The following PTGER3 variants were observed in gnomAD, a reference collection of about 807,000 sequenced individuals.
PTGER3 encodes the protein prostaglandin E receptor 3.
In PTGER3, 22 loss-of-function variants were observed where a neutral mutation model predicts 34.7. The observed-to-expected ratio is 0.63, with a 90% CI of 0.45 to 0.91. The LOEUF (loss-of-function observed/expected upper bound fraction) is 0.91. Ranked by LOEUF, PTGER3 falls within the 40% of genes least tolerant of loss-of-function variation. The probability of loss-of-function intolerance (pLI) is 0.00; values close to 1 mark genes in which losing one functional copy is unlikely to be tolerated. For synonymous variants in PTGER3, 241 were observed against 230.1 expected, an observed-to-expected ratio of 1.05 and a Z score of -0.43; for missense variants, 468 against 519.4, an observed-to-expected ratio of 0.90 and a Z score of 0.96.
At chr1:70,883,521 A>T (rs891334546) in intron 4 of PTGER3, among the ~76,000 whole-genome samples, 1 of 152,214 alleles carries the variant, frequency 6.6e-6, no homozygotes, top group Non-Finnish European at 1.5e-5. Context: ...ATTTATAGGT[A>T]TGATGAACCT....
intron 2 of PTGER3, chr1:71,009,564 C>T: frequency 1.0e-6 from 1 of 984,988 alleles, no homozygotes; most frequent in Non-Finnish European, 1.2e-6. Flanking sequence ...TTCTCTGTGA[C>T]TCAGCATAGT....
At chr1:70,866,088 C>T (rs879892793) in intron 4 of PTGER3, among the ~76,000 whole-genome samples, 2 of 152,124 alleles carry the variant, frequency 1.3e-5, no homozygotes, top group Admixed American at 1.3e-4. Flanking sequence ...AAGAAAGTAC[C>T]CCTTCATATC....
chr1:70,892,960 A>C (rs1646650820), intron 4 of PTGER3, among the ~76,000 whole-genome samples: 1 of 152,112 alleles, frequency 6.6e-6, no homozygotes, highest in Non-Finnish European at 1.5e-5. Context: ...ATATTAAATA[A>C]TATCTGATCT....
At chr1:70,965,951 C>T (rs1204350215), downstream of PTGER3, among the ~76,000 whole-genome samples, 3 of 152,148 alleles carry the variant, frequency 2.0e-5, no homozygotes, top group Non-Finnish European at 4.4e-5. Context: ...AATTCCAATG[C>T]ATCTAAAGAG....
chr1:70,855,200 G>A (rs1385666529), intron 4 of PTGER3, among the ~76,000 whole-genome samples: 1 of 152,132 alleles, frequency 6.6e-6, no homozygotes, highest in African/African-American at 2.4e-5. Context: ...AAGACATTAT[G>A]GTAAGTAAAA....
At chr1:70,892,483 T>G (rs1362031997) in intron 4 of PTGER3, among the ~76,000 whole-genome samples, 2 of 152,184 alleles carry the variant, frequency 1.3e-5, no homozygotes, top group African/African-American at 4.8e-5. Context: ...CTTATAGTGT[T>G]CATAGATAGA....
chr1:71,020,068 C>A (rs1658263628), intron 1 of PTGER3, among the ~76,000 whole-genome samples: 1 of 152,110 alleles, frequency 6.6e-6, no homozygotes, highest in African/African-American at 2.4e-5. Context: ...GCCCTTTAAA[C>A]TAGTTAATTA....
At chr1:70,901,913 C>T (rs1646848305) in intron 4 of PTGER3, among the ~76,000 whole-genome samples, 1 of 152,068 alleles carries the variant, frequency 6.6e-6, no homozygotes, top group African/African-American at 2.4e-5. Flanking sequence ...AAAATATCAG[C>T]CTAAATCAAA....
chr1:70,992,072 C>T (rs1200894193), intron 2 of PTGER3, among the ~76,000 whole-genome samples: 1 of 152,172 alleles, frequency 6.6e-6, no homozygotes, highest in African/African-American at 2.4e-5. Flanking sequence ...AGTACTAATA[C>T]CTTTACAAAT....
intron 4 of PTGER3, among the ~76,000 whole-genome samples, chr1:70,887,427 C>T (rs1188813760): frequency 6.6e-6 from 1 of 152,176 alleles, no homozygotes; most frequent in African/African-American, 2.4e-5. Context: ...CTTCTTTCAA[C>T]CCAAATGTGT....
intron 4 of PTGER3, among the ~76,000 whole-genome samples, chr1:70,900,429 T>C (rs1445801940): frequency 6.6e-6 from 1 of 152,206 alleles, no homozygotes; most frequent in Non-Finnish European, 1.5e-5. Flanking sequence ...GATTGAGTGC[T>C]TCTGGCTCTG....
intron 4 of PTGER3, among the ~76,000 whole-genome samples, chr1:70,881,513 C>A (rs1646390247): frequency 6.6e-6 from 1 of 152,046 alleles, no homozygotes; most frequent in African/African-American, 2.4e-5. Flanking sequence ...TTGTTGTTGC[C>A]AGAGTTCCTG....
At chr1:70,966,140 C>G (rs1652491152), downstream of PTGER3, among the ~76,000 whole-genome samples, 1 of 152,170 alleles carries the variant, frequency 6.6e-6, no homozygotes. Flanking sequence ...TTTATATTTT[C>G]TCCTGTTCTC....
intron 4 of PTGER3, among the ~76,000 whole-genome samples, chr1:70,898,473 C>T (rs1646769674): frequency 6.6e-6 from 1 of 152,182 alleles, no homozygotes; most frequent in African/African-American, 2.4e-5. Flanking sequence ...CTCTCGAATG[C>T]CTTCCTTGAC....
rs554772466 is a variant in PTGER3 at position 70,971,654 on chromosome 1, T to C, written c.*76A>G. 892 of 1,484,954 alleles carry C rather than the reference T, an allele frequency of 6.0e-4. 1 individual carries two copies. The highest frequency in any genetic ancestry group is 1.3e-3 in the Admixed American group (54 of 41,154). 92.0% of individuals were successfully genotyped at this position (1,484,954 alleles called of 1,614,324 possible). A position where few individuals can be genotyped will look rare whatever the true frequency, so the allele number is the denominator to read the frequency against. The stretch of plus-strand genomic sequence containing the variant: ...TAATCCAAATTAAAATATATAATTA[T>C]CCTTCTCAGGTGGGAAGAAATATGC... On this transcript the variant is annotated 3_prime_UTR_variant, in exon 4 of 4. Coordinates refer to ENST00000306666, the MANE Select transcript of PTGER3 (RefSeq NM_198719.2).
intron 2 of PTGER3, among the ~76,000 whole-genome samples, chr1:70,978,379 A>G (rs1300487321): frequency 6.6e-6 from 1 of 152,190 alleles, no homozygotes; most frequent in Non-Finnish European, 1.5e-5. Context: ...TATTCTAATA[A>G]GGGTAGAACT....
Position 70,971,116 on chromosome 1 carries a change from A to T in PTGER3, c.*614T>A, listed in dbSNP as rs1197696071. 8 of 985,254 alleles carry T rather than the reference A, an allele frequency of 8.1e-6. No homozygotes were observed. The highest frequency in any genetic ancestry group is 9.6e-6 in the Non-Finnish European group (8 of 829,904). The allele number at this position is 985,254 out of a possible 1,614,324, so 61.0% of individuals were successfully genotyped here. A position where few individuals can be genotyped will look rare whatever the true frequency, so the allele number is the denominator to read the frequency against. On this transcript the variant is annotated 3_prime_UTR_variant, in exon 4 of 4. Transcript: ENST00000306666. Reference sequence around the variant, plus strand: ...GCAGATTCCTGAGTTACTAAATGACACATAACTAGAATTGAGACTTAGGAA... The same window carrying T: ...GCAGATTCCTGAGTTACTAAATGACTCATAACTAGAATTGAGACTTAGGAA...
At chr1:70,926,497 A>G (rs926841086) in intron 4 of PTGER3, among the ~76,000 whole-genome samples, 6 of 152,148 alleles carry the variant, frequency 3.9e-5, no homozygotes, top group African/African-American at 9.7e-5. Context: ...TTATTGGTGT[A>G]TAAGAATGCT....
downstream of PTGER3, among the ~76,000 whole-genome samples, chr1:70,969,874 T>A (rs1418097755): frequency 6.6e-6 from 1 of 152,180 alleles, no homozygotes; most frequent in Non-Finnish European, 1.5e-5. Flanking sequence ...TTTCTGAGGA[T>A]CTATCGTGTA....
Sources: allele counts gnomAD v4.1 joint callset (sites outside exome capture counted in the v4.1 genomes callset), GRCh38; gene constraint gnomAD v4.1.1; transcripts MANE v1.5; gene names NCBI Gene and HGNC (gene_info 2026-07-23, HGNC 2026-07-21).